ROBO2: variants seen among roughly 807,000 people sequenced by gnomAD.
The protein encoded by ROBO2 is roundabout homolog 2.
A neutral mutation model predicts 160.8 loss-of-function variants in ROBO2; 53 were observed. That is an observed-to-expected ratio of 0.33 (90% CI 0.26 to 0.41). ROBO2 has a LOEUF of 0.41. Ranked by LOEUF, ROBO2 falls within the 10% of genes least tolerant of loss-of-function variation. The pLI, the probability that ROBO2 is intolerant of heterozygous loss-of-function variation, is 1.00. For missense variants in ROBO2, 1,577 were observed against 1,722.4 expected, an observed-to-expected ratio of 0.92 and a Z score of 1.49; for synonymous variants, 664 against 611.7, an observed-to-expected ratio of 1.09 and a Z score of -1.26.
rs559430565 is a variant in ROBO2, at chr3:75,961,411, C to T, written c.109+23809C>T. Among the ~76,000 whole-genome samples, 30 of 151,772 alleles carry T rather than the reference C, an allele frequency of 2.0e-4. No homozygotes were observed. In the South Asian group the frequency reaches 6.2e-3, roughly 31 times the overall value. ...TTGAGTAACTTGCTGAACTCTGATA[C>T]ATTGCTAAGGAGTAATTGACCTATA... On this transcript the variant is annotated intron_variant, in intron 2 of 26. Coordinates refer to the ROBO2 transcript ENST00000487694.
At chr3:77,476,368 A>ATGTGTGTGTGTGTGTGTG (rs60219148) in intron 2 of ROBO2, among the ~76,000 whole-genome samples, 71 of 144,224 alleles carry the variant, frequency 4.9e-4, no homozygotes, top group Non-Finnish European at 9.3e-4. Context: ...GTCTGTGGGT[A>ATGTGTGTGTGTGTGTGTG]TGTGTGTGTG....
chr3:76,445,290 G>C (rs1225176659), intron 2 of ROBO2, among the ~76,000 whole-genome samples: 1 of 152,102 alleles, frequency 6.6e-6, no homozygotes, highest in Non-Finnish European at 1.5e-5. Context: ...ACATTTAATG[G>C]AAAGTGTGTA....
intron 2 of ROBO2, among the ~76,000 whole-genome samples, chr3:76,573,528 T>A (rs2085082949): frequency 6.6e-6 from 1 of 151,978 alleles, no homozygotes; most frequent in Non-Finnish European, 1.5e-5. Flanking sequence ...TTTCAATTTT[T>A]TTTTTTTTTT....
At chr3:76,050,846 T>C (rs912219089) in intron 2 of ROBO2, among the ~76,000 whole-genome samples, 1 of 152,230 alleles carries the variant, frequency 6.6e-6, no homozygotes, top group Non-Finnish European at 1.5e-5. Flanking sequence ...ATTGCTGTGA[T>C]GCTTTTTGAA....
chr3:76,283,153 A>ATATATATATATATATATATAT lies in ROBO2; in HGVS notation c.109+345551_109+345552insTATATATATATATATATATAT, dbSNP rs1559717396. On this transcript the variant is annotated intron_variant, in intron 2 of 26. Coordinates refer to the ROBO2 transcript ENST00000487694. Reference sequence around the variant, plus strand: ...ATAAAACTGTATATATATATATATAAAACTACATATATATAGTGACCCCTG... The same window carrying ATATATATATATATATATATAT: ...ATAAAACTGTATATATATATATATAATATATATATATATATATATATAACTACATATATATAGTGACCCCTG... Among the ~76,000 whole-genome samples the ATATATATATATATATATATAT allele has an allele frequency of 4.1e-3, 50 of 12,070 alleles. 1 individual carries two copies. The highest frequency in any genetic ancestry group is 5.1e-3 in the African/African-American group (43 of 8,500). 7.9% of individuals were successfully genotyped at this position (12,070 alleles called of 152,430 possible).
At chr3:76,119,155 G>A (rs2070610624) in intron 2 of ROBO2, among the ~76,000 whole-genome samples, 2 of 152,112 alleles carry the variant, frequency 1.3e-5, no homozygotes. Context: ...AAGTAGGAAG[G>A]CTGTTTTTAT....
intron 2 of ROBO2, among the ~76,000 whole-genome samples, chr3:76,925,243 T>C (rs2076922528): frequency 6.6e-6 from 1 of 151,646 alleles, no homozygotes; most frequent in African/African-American, 2.4e-5. Context: ...CTGGTTTGCT[T>C]TTCTAAACCT....
At chr3:77,464,913 A>G (rs961214561) in intron 2 of ROBO2, among the ~76,000 whole-genome samples, 8 of 152,228 alleles carry the variant, frequency 5.3e-5, no homozygotes, top group African/African-American at 1.9e-4. Context: ...AAATATGTCA[A>G]GGGCAGTATT....
intron 23 of ROBO2, chr3:77,632,530 C>A (rs1358353906): frequency 6.5e-7 from 1 of 1,535,686 alleles, no homozygotes. Context: ...CTTTTCTAGT[C>A]ATAGATCTAG....
chr3:76,731,499 T>A (rs909275179), intron 2 of ROBO2, among the ~76,000 whole-genome samples: 1 of 152,188 alleles, frequency 6.6e-6, no homozygotes, highest in Non-Finnish European at 1.5e-5. Flanking sequence ...TTTTTCAAGT[T>A]CTTTCTCAAT....
intron 1 of ROBO2, among the ~76,000 whole-genome samples, chr3:77,059,401 T>C (rs908097640): frequency 6.6e-6 from 1 of 152,164 alleles, no homozygotes; most frequent in African/African-American, 2.4e-5. Context: ...TATTTGAACA[T>C]TTAAGGATTC....
At chr3:77,610,218 C>T (rs2094601683) in intron 21 of ROBO2, among the ~76,000 whole-genome samples, 1 of 151,954 alleles carries the variant, frequency 6.6e-6, no homozygotes, top group Non-Finnish European at 1.5e-5. Flanking sequence ...AAAAAGAAAT[C>T]TTCAGAATTG....
At chr3:77,326,064 G>A (rs2065353166) in intron 2 of ROBO2, among the ~76,000 whole-genome samples, 1 of 152,164 alleles carries the variant, frequency 6.6e-6, no homozygotes, top group Non-Finnish European at 1.5e-5. Context: ...ATAGCAATTA[G>A]CACCTTGTGT....
chr3:76,948,609 C>T (rs2078718377), intron 2 of ROBO2, among the ~76,000 whole-genome samples: 3 of 117,570 alleles, frequency 2.6e-5, no homozygotes, highest in Admixed American at 1.0e-4. Context: ...TTTTTGGAGA[C>T]GGAGTCTCAC....
intron 2 of ROBO2, among the ~76,000 whole-genome samples, chr3:75,945,872 CAT>C (rs34947892): frequency 5.3e-5 from 8 of 151,662 alleles, no homozygotes; most frequent in Admixed American, 4.6e-4. Flanking sequence ...CCATTGATGT[CAT>C]ATTAAGTTGT....
At chr3:77,550,969 C>G in exon 8 of ROBO2, 2 of 1,612,808 alleles carry the variant, frequency 1.2e-6, no homozygotes, top group Non-Finnish European at 1.7e-6. Context: ...TTAGCAAAAG[C>G]TCAACTGGAG....
intron 2 of ROBO2, among the ~76,000 whole-genome samples, chr3:77,225,011 T>A (rs572855165): frequency 8.6e-4 from 130 of 151,846 alleles, no homozygotes; most frequent in Non-Finnish European, 1.5e-3. Context: ...ATTGTGAAAA[T>A]TTTTAAACAT....
At position 77,023,752 on chromosome 3, in the gene ROBO2, C is replaced by A. The variant is rs142503846; in HGVS notation, c.110-74262C>A. 2.4e-3 allele frequency among the ~76,000 whole-genome samples: 360 copies of A among 152,234 alleles called. 4 individuals carry two copies. The East Asian group carries it at 0.028, about 12-fold the overall frequency. On this transcript the variant is annotated intron_variant, in intron 2 of 26. Transcript: ENST00000487694. ...TAAAACTAGACAGAAAAAGTTAAAA[C>A]CTGCCTATACTAATGAAATTCTCAT...
intron 2 of ROBO2, among the ~76,000 whole-genome samples, chr3:76,949,676 A>G (rs1339179161): frequency 6.6e-6 from 1 of 152,182 alleles, no homozygotes; most frequent in East Asian, 1.9e-4. Flanking sequence ...TCCTGATTGT[A>G]ATGGAACGAG....
Sources: gnomAD v4.1 joint callset for allele counts (sites outside exome capture counted in the v4.1 genomes callset) on GRCh38, gnomAD v4.1.1 for gene constraint, MANE v1.5 for transcripts, NCBI Gene and HGNC (gene_info 2026-07-23, HGNC 2026-07-21) for gene names.